ULK4: variants seen among roughly 807,000 people sequenced by gnomAD.
The protein encoded by ULK4 is inactive serine/threonine-protein kinase ULK4.
A neutral mutation model predicts 160.6 loss-of-function variants in ULK4; 133 were observed. The observed-to-expected ratio is 0.83, with a 90% CI of 0.72 to 0.96. The LOEUF (loss-of-function observed/expected upper bound fraction) is 0.96, where lower values mean the gene tolerates loss of function less well. Ranked by LOEUF, ULK4 falls within the 40% of genes least tolerant of loss-of-function variation. The pLI is 0.00. For synonymous variants in ULK4, 534 were observed against 539.8 expected, an observed-to-expected ratio of 0.99 and a Z score of 0.15; for missense variants, 1,580 against 1,499.5, an observed-to-expected ratio of 1.05 and a Z score of -0.89.
intron 19 of ULK4, among the ~76,000 whole-genome samples, chr3:41,816,141 TATATA>T (rs2040956712): frequency 1.3e-5 from 2 of 151,854 alleles, no homozygotes; most frequent in Admixed American, 6.6e-5. Context: ...TTATATATTA[TATATA>T]AAGTGGCTAC....
intron 18 of ULK4, among the ~76,000 whole-genome samples, chr3:41,834,181 T>C (rs2041685354): frequency 1.3e-5 from 2 of 151,928 alleles, no homozygotes. Flanking sequence ...GTGAATATGT[T>C]GTCCCTTTGA....
intron 19 of ULK4, among the ~76,000 whole-genome samples, chr3:41,805,374 A>G (rs1370539127): frequency 6.6e-6 from 1 of 152,142 alleles, no homozygotes; most frequent in African/African-American, 2.4e-5. Context: ...CAGCTTAAGG[A>G]GATTTTGGGC....
At chr3:41,724,425 T>C (rs928542236) in intron 22 of ULK4, among the ~76,000 whole-genome samples, 3 of 152,144 alleles carry the variant, frequency 2.0e-5, no homozygotes, top group Admixed American at 1.3e-4. Flanking sequence ...CAGGTAGATA[T>C]AAGAATTCCA....
intron 25 of ULK4, among the ~76,000 whole-genome samples, chr3:41,708,930 C>G (rs1051631945): frequency 1.3e-5 from 2 of 152,088 alleles, no homozygotes; most frequent in African/African-American, 4.8e-5. Context: ...TAGGAAAATA[C>G]TTAAATGCAA....
At chr3:41,464,933 G>T (rs1431224825) in intron 32 of ULK4, among the ~76,000 whole-genome samples, 2 of 152,182 alleles carry the variant, frequency 1.3e-5, no homozygotes, top group Admixed American at 1.3e-4. Context: ...TGCAAAGAAT[G>T]AATGCAATCA....
rs112128198 is a variant in ULK4, at chr3:41,629,782, A to C, written c.3072-14065T>G. On this transcript the variant is annotated intron_variant, in intron 30 of 36. Transcript: ENST00000301831. ...AGGTGGGCAGATCACTTGAGCACCA[A>C]GAGTTTGAGACCAGCCTGGGCAACA... 2.0e-3 allele frequency among the ~76,000 whole-genome samples: 305 copies of C among 152,176 alleles called. 2 individuals are homozygous for C. The highest frequency in any genetic ancestry group is 7.1e-3 in the African/African-American group (296 of 41,516).
At chr3:41,897,618 G>C (rs987878217) in intron 14 of ULK4, among the ~76,000 whole-genome samples, 1 of 152,086 alleles carries the variant, frequency 6.6e-6, no homozygotes, top group Non-Finnish European at 1.5e-5. Context: ...GTATTTCCAG[G>C]TGATAATTCT....
rs151197359 is a variant in ULK4, at chr3:41,906,019, C to T, written c.1182+1826G>A. Among the ~76,000 whole-genome samples the T allele has an allele frequency of 3.1e-3, 473 of 152,028 alleles. 1 individual carries two copies. The highest frequency in any genetic ancestry group is 0.011 in the African/African-American group (449 of 41,468). ...GATCATGAGATCAGGAGATCGAGAC[C>T]ATCCTGGCTAACACGGTGAAACCCC... On this transcript the variant is annotated intron_variant, in intron 12 of 36. Transcript: ENST00000301831.
At chr3:41,575,562 G>A (rs1217637398) in intron 31 of ULK4, among the ~76,000 whole-genome samples, 4 of 152,190 alleles carry the variant, frequency 2.6e-5, no homozygotes, top group Non-Finnish European at 5.9e-5. Flanking sequence ...CCACCTTTCT[G>A]ATCAAAGACA....
intron 32 of ULK4, among the ~76,000 whole-genome samples, chr3:41,562,905 G>A (rs2087646444): frequency 6.6e-6 from 1 of 152,180 alleles, no homozygotes; most frequent in Non-Finnish European, 1.5e-5. Context: ...CTGTCATTAG[G>A]ATGTTAGCTG....
intron 21 of ULK4, among the ~76,000 whole-genome samples, chr3:41,768,612 T>C (rs1392278100): frequency 2.6e-5 from 4 of 152,156 alleles, no homozygotes; most frequent in African/African-American, 7.2e-5. Context: ...TGTACCAACT[T>C]GCCAGTCATA....
At chr3:41,917,577 T>C (rs1044421859) in intron 7 of ULK4, among the ~76,000 whole-genome samples, 2 of 152,226 alleles carry the variant, frequency 1.3e-5, no homozygotes, top group Non-Finnish European at 2.9e-5. Context: ...CACTTGTGCC[T>C]TCTTTTGTTT....
intron 30 of ULK4, among the ~76,000 whole-genome samples, chr3:41,659,467 G>A (rs1374380150): frequency 1.3e-5 from 2 of 152,174 alleles, no homozygotes; most frequent in African/African-American, 4.8e-5. Context: ...CACATTCCTT[G>A]ACCATATGAA....
chr3:41,827,676 A>C (rs560888973), intron 18 of ULK4, among the ~76,000 whole-genome samples: 1 of 152,296 alleles, frequency 6.6e-6, no homozygotes, highest in East Asian at 1.9e-4. Flanking sequence ...CAACCAAAAA[A>C]AGTTCAGGAC....
intron 32 of ULK4, among the ~76,000 whole-genome samples, chr3:41,492,645 G>C (rs1463849384): frequency 6.6e-6 from 1 of 151,626 alleles, no homozygotes; most frequent in African/African-American, 2.4e-5. Context: ...ATTGGATAAA[G>C]AGTCAAGGCC....
At chr3:41,862,178 C>T (rs7646865) in intron 17 of ULK4, among the ~76,000 whole-genome samples, 6,496 of 152,178 alleles carry the variant, frequency 0.043, 426 homozygotes, top group African/African-American at 0.15. Context: ...TGCTAAAGGA[C>T]GCCAATATAT....
intron 32 of ULK4, among the ~76,000 whole-genome samples, chr3:41,485,126 C>T (rs937330): frequency 0.41 from 62,285 of 151,930 alleles, 12,946 homozygotes; most frequent in African/African-American, 0.43. Context: ...TCACAGATGA[C>T]GAAACTGAGA....
intron 21 of ULK4, among the ~76,000 whole-genome samples, chr3:41,775,937 A>G (rs1293776932): frequency 1.3e-5 from 2 of 151,106 alleles, no homozygotes; most frequent in South Asian, 2.1e-4. Flanking sequence ...TAACTTTTAC[A>G]TTCTGCATCA....
At chr3:41,627,987 T>C (rs1269142891) in intron 30 of ULK4, among the ~76,000 whole-genome samples, 4 of 152,130 alleles carry the variant, frequency 2.6e-5, no homozygotes, top group Non-Finnish European at 5.9e-5. Flanking sequence ...TGCTAAGAAA[T>C]GCTAAGAAGT....
Sources: allele counts gnomAD v4.1 joint callset (sites outside exome capture counted in the v4.1 genomes callset), GRCh38; gene constraint gnomAD v4.1.1; transcripts MANE v1.5; gene names NCBI Gene and HGNC (gene_info 2026-07-23, HGNC 2026-07-21).